The following FBN3 variants were observed in gnomAD, a reference collection of about 807,000 sequenced individuals.
FBN3 encodes the protein fibrillin 3, also known as fibrillin-3.
FBN3 carries 234 observed loss-of-function variants against 330.1 expected under a neutral mutation model. The ratio of observed to expected loss-of-function variants is 0.71; its 90% confidence interval spans 0.64 to 0.79. The LOEUF is 0.79. Ranked by LOEUF, FBN3 falls within the 30% of genes least tolerant of loss-of-function variation. FBN3 has a pLI of 0.00. For synonymous variants in FBN3, 1,458 were observed against 1,517.3 expected (o/e 0.96, Z 0.91); for missense variants, 3,606 against 3,886.9 (o/e 0.93, Z 1.92).
rs79313027 is a variant in FBN3, at chr19:8,146,114, G to T, written c.349+13C>A. 13 of 1,574,844 alleles carry T rather than the reference G, an allele frequency of 8.3e-6. No homozygotes were observed. The highest frequency in any genetic ancestry group is 1.0e-5 in the Non-Finnish European group (12 of 1,160,666). On this transcript the variant is annotated intron_variant, in intron 4 of 63. Transcript: ENST00000600128. ...CTTCTTCTCCCTCCCGCAAGAGGCC[G>T]CTTCCCGCTCACCTCGGCTCACCCC...
intron 6 of FBN3, among the ~76,000 whole-genome samples, chr19:8,144,643 C>T (rs138752077): frequency 9.9e-5 from 15 of 152,010 alleles, no homozygotes; most frequent in African/African-American, 3.6e-4. Flanking sequence ...CAGACTGGCA[C>T]ATCCTCTCTC....
At chr19:8,148,469 C>T (rs1006398366) in intron 1 of FBN3, among the ~76,000 whole-genome samples, 7 of 152,178 alleles carry the variant, frequency 4.6e-5, no homozygotes, top group African/African-American at 1.7e-4. Context: ...GGAGCTTAAG[C>T]CCACGAAGAG....
intron 59 of FBN3, among the ~76,000 whole-genome samples, chr19:8,080,163 C>T (rs1335092023): frequency 5.3e-5 from 8 of 152,190 alleles, no homozygotes; most frequent in Admixed American, 3.3e-4. Context: ...AGCAGGGGGC[C>T]GGGCTTGGCT....
rs560661432 is a variant in FBN3, at chr19:8,110,165, T to C, written c.4334-412A>G. Among the ~76,000 whole-genome samples, 15 of 152,282 alleles carry C rather than the reference T, an allele frequency of 9.9e-5. No individual in the cohort carries two copies. The South Asian group carries it at 3.1e-3, about 32-fold the overall frequency. ...CAAACTCCTGGGCTCAAGCGATCCT[T>C]CTGCCTCAGCCTTTGGAGTAGCTGG... On this transcript the variant is annotated intron_variant, in intron 34 of 63. Coordinates refer to ENST00000600128, the MANE Select transcript of FBN3 (RefSeq NM_032447.5).
In FBN3 at chr19:8,088,763, G is replaced by C. The variant is rs552921865; in HGVS notation, c.6377-584C>G. Among the ~76,000 whole-genome samples the C allele has an allele frequency of 3.3e-5, 5 of 152,328 alleles. No individual in the cohort carries two copies. The South Asian group carries it at 1.0e-3, about 32-fold the overall frequency. On this transcript the variant is annotated intron_variant, in intron 51 of 63. Transcript: ENST00000600128. ...AATGAGTGAGTAAATGAATAAATGAGTGATTGAATGGGTGAATGAGCAAGG... is the reference window on the plus strand; with the variant it reads ...AATGAGTGAGTAAATGAATAAATGACTGATTGAATGGGTGAATGAGCAAGG...
intron 3 of FBN3, 40 bp from the exon 4 acceptor site, chr19:8,146,265 AGCCTGG>A: frequency 3.3e-6 from 5 of 1,527,176 alleles, no homozygotes; most frequent in Non-Finnish European, 4.5e-6. Context: ...ACCAGGACCG[AGCCTGG>A]GCCGTCCCTG....
chr19:8,144,791 G>T (rs2083493710), intron 6 of FBN3, 86 bp downstream of exon 6: 5 of 1,090,312 alleles, frequency 4.6e-6, no homozygotes, highest in East Asian at 5.2e-5. Flanking sequence ...TCCTTTCAAG[G>T]CCTGGCCATG....
intron 58 of FBN3, 106 bp downstream of exon 58, chr19:8,081,252 T>A: frequency 1.3e-6 from 2 of 1,492,812 alleles, no homozygotes; most frequent in Non-Finnish European, 1.8e-6. Flanking sequence ...CTTGACTCCA[T>A]GCAGATGGGA....
At chr19:8,116,190 T>C (rs1183609214) in intron 29 of FBN3, among the ~76,000 whole-genome samples, 1 of 152,228 alleles carries the variant, frequency 6.6e-6, no homozygotes, top group Admixed American at 6.5e-5. Context: ...AGCTTTGTCC[T>C]GATAGGGTAT....
intron 59 of FBN3, among the ~76,000 whole-genome samples, chr19:8,080,605 T>A (rs531503325): frequency 7.0e-4 from 106 of 152,220 alleles, no homozygotes; most frequent in South Asian, 3.5e-3. Context: ...CAATGTCCAA[T>A]ACACACCGGG....
intron 40 of FBN3, among the ~76,000 whole-genome samples, chr19:8,101,564 T>G (rs2082328363): frequency 6.6e-6 from 1 of 152,232 alleles, no homozygotes; most frequent in African/African-American, 2.4e-5. Context: ...ATCTTGGCTC[T>G]GAGCTTCTCC....
At chr19:8,115,778 T>C (rs2082692673) in intron 29 of FBN3, 138 bp from the exon 30 acceptor site, 1 of 994,932 alleles carries the variant, frequency 1.0e-6, no homozygotes, top group African/African-American at 1.6e-5. Flanking sequence ...ACTCTCTTTC[T>C]TTTCTCCAGG....
At position 8,109,377 on chromosome 19, in the gene FBN3, C is replaced by T. The variant is rs749506818; in HGVS notation, c.4468G>A (p.Gly1490Arg). Residue 1490 changes from glycine to arginine, a missense_variant, in exon 36 of 64, where the codon GGG (glycine) becomes AGG (arginine). By Grantham distance (125) the Gly-to-Arg change is moderately radical. Transcript: ENST00000600128. The surrounding 1 kb of genome is among the most constrained non-coding windows in gnomAD (Gnocchi z 5.2). ...TCATGCGTCTCCAGGAAACAGTTCC[C>T]GGCCCGAGTGTCTGAACAGGCAGAA... The part of the protein sequence containing the change: ...SGVGCVDTRA[G>R]NCFLETHDRG... The T allele has an allele frequency of 2.1e-5, 34 of 1,614,156 alleles. No individual in the cohort carries two copies. The highest frequency in any genetic ancestry group is 4.0e-5 in the African/African-American group (3 of 75,028).
chr19:8,068,128 T>A (rs1354644237), intron 63 of FBN3, among the ~76,000 whole-genome samples: 1 of 152,050 alleles, frequency 6.6e-6, no homozygotes, highest in African/African-American at 2.4e-5. Flanking sequence ...GGCTCACACC[T>A]GTAATCCCAG....
intron 47 of FBN3, among the ~76,000 whole-genome samples, chr19:8,092,445 G>A (rs1277034820): frequency 1.3e-5 from 2 of 151,994 alleles, no homozygotes; most frequent in Non-Finnish European, 2.9e-5. Flanking sequence ...AGGCACAGTG[G>A]CTCACACCTG....
intron 1 of FBN3, among the ~76,000 whole-genome samples, chr19:8,147,980 G>C (rs972075359): frequency 6.6e-6 from 1 of 152,118 alleles, no homozygotes; most frequent in Non-Finnish European, 1.5e-5. Flanking sequence ...AGATGGGAGA[G>C]AGAGGAGAGG....
chr19:8,078,776 G>A (rs1391664698), intron 59 of FBN3, among the ~76,000 whole-genome samples: 2 of 100,468 alleles, frequency 2.0e-5, no homozygotes, highest in Non-Finnish European at 3.8e-5. Flanking sequence ...TTGTTCAAAT[G>A]TTCTCTCTCT....
At chr19:8,079,416 C>G (rs546962224) in intron 59 of FBN3, among the ~76,000 whole-genome samples, 1 of 104,790 alleles carries the variant, frequency 9.5e-6, no homozygotes, top group East Asian at 2.3e-4. Flanking sequence ...GACTCCATCT[C>G]TAAAACAAAC....
chr19:8,082,239 G>A (rs2081806755), intron 57 of FBN3, among the ~76,000 whole-genome samples: 1 of 151,954 alleles, frequency 6.6e-6, no homozygotes. Flanking sequence ...AAAGTGTGCT[G>A]GGATTACAGG....
Sources: allele counts gnomAD v4.1 joint callset (sites outside exome capture counted in the v4.1 genomes callset), GRCh38; gene constraint gnomAD v4.1.1; non-coding constraint Gnocchi (gnomAD v3.1); transcripts MANE v1.5; gene names NCBI Gene and HGNC (gene_info 2026-07-23, HGNC 2026-07-21).